Variants in STRBP observed in about 807,000 individuals in gnomAD.
STRBP encodes the protein spermatid perinuclear RNA-binding protein.
In STRBP, 13 loss-of-function variants were observed where a neutral mutation model predicts 80.1. The ratio of observed to expected loss-of-function variants is 0.16; its 90% CI spans 0.11 to 0.26. The LOEUF is 0.26. Ranked by LOEUF, STRBP falls within the 10% of genes least tolerant of loss-of-function variation. The probability of loss-of-function intolerance (pLI) is 1.00; values close to 1 mark genes in which losing one functional copy is unlikely to be tolerated. For missense variants in STRBP, 485 were observed against 815.2 expected (o/e 0.59, Z 4.93); for synonymous variants, 284 against 291.2 (o/e 0.98, Z 0.25).
At chr9:123,237,271 C>T (rs978459323) in intron 1 of STRBP, among the ~76,000 whole-genome samples, 27 of 152,284 alleles carry the variant, frequency 1.8e-4, no homozygotes, top group African/African-American at 6.3e-4. Flanking sequence ...CTACCAAAAT[C>T]CACCCTGTTT....
Position 123,151,081 on chromosome 9 carries a change from G to C in STRBP, c.1046-3211C>G, listed in dbSNP as rs1230102261. 1.8e-4 allele frequency among the ~76,000 whole-genome samples: 27 copies of C among 152,090 alleles called. No individual in the cohort carries two copies. In the East Asian group the frequency reaches 4.2e-3, roughly 24 times the overall value. ...AACCAGGCACATGAGAAGATATCAT[G>C]ATCAAAAATCAAGAGAAATCACACA... On this transcript the variant is annotated intron_variant, in intron 11 of 18. Transcript: ENST00000348403.
intron 11 of STRBP, among the ~76,000 whole-genome samples, chr9:123,151,467 C>T (rs2037054726): frequency 6.6e-6 from 1 of 152,104 alleles, no homozygotes; most frequent in Non-Finnish European, 1.5e-5. Flanking sequence ...TATCAAAGGA[C>T]AGAAATCATA....
At chr9:123,201,953 T>C (rs1037291051) in intron 2 of STRBP, among the ~76,000 whole-genome samples, 8 of 152,330 alleles carry the variant, frequency 5.3e-5, no homozygotes, top group South Asian at 2.1e-4. Context: ...AACTTTAGAA[T>C]TGTAATATCT....
At chr9:123,260,234 A>C (rs1430188619) in intron 1 of STRBP, among the ~76,000 whole-genome samples, 1 of 152,230 alleles carries the variant, frequency 6.6e-6, no homozygotes, top group Non-Finnish European at 1.5e-5. Flanking sequence ...ATAGAATTTC[A>C]CTAGAAGAGT....
intron 2 of STRBP, among the ~76,000 whole-genome samples, chr9:123,217,333 G>GA (rs534673014): frequency 9.3e-5 from 14 of 151,270 alleles, no homozygotes; most frequent in Non-Finnish European, 1.6e-4. Flanking sequence ...AGACCAGAAA[G>GA]AAAAAAAAGC....
intron 2 of STRBP, among the ~76,000 whole-genome samples, chr9:123,235,993 CT>C (rs1239152803): frequency 6.6e-6 from 1 of 152,184 alleles, no homozygotes; most frequent in Non-Finnish European, 1.5e-5. Context: ...AGCTTCCAAT[CT>C]CTAAATCAGA....
At chr9:123,210,502 C>T (rs2039670062) in intron 2 of STRBP, among the ~76,000 whole-genome samples, 1 of 150,964 alleles carries the variant, frequency 6.6e-6, no homozygotes, top group Non-Finnish European at 1.5e-5. Context: ...AGGTAAAACA[C>T]AAAACCAATA....
At chr9:123,178,917 A>G in intron 4 of STRBP, 90 bp downstream of exon 4, 3 of 1,288,248 alleles carry the variant, frequency 2.3e-6, no homozygotes, top group Non-Finnish European at 3.3e-6. Context: ...ACAAAATCCA[A>G]AAAACAGCAT....
intron 2 of STRBP, among the ~76,000 whole-genome samples, chr9:123,225,597 G>A (rs1299046187): frequency 6.6e-6 from 1 of 152,192 alleles, no homozygotes; most frequent in African/African-American, 2.4e-5. Flanking sequence ...ATTCTGGCAA[G>A]TGAAAGCAGC....
chr9:123,266,740 T>C (rs776607159), intron 1 of STRBP, among the ~76,000 whole-genome samples: 2 of 152,014 alleles, frequency 1.3e-5, no homozygotes, highest in Non-Finnish European at 2.9e-5. Context: ...ATCCATCACC[T>C]ATGCCTTTCT....
At chr9:123,157,933 A>C in intron 11 of STRBP, 79 bp downstream of exon 11, 1 of 1,035,638 alleles carries the variant, frequency 9.7e-7, no homozygotes, top group Non-Finnish European at 1.5e-6. Context: ...AAGTTCCCTA[A>C]GTTGTAATGA....
intron 4 of STRBP, among the ~76,000 whole-genome samples, chr9:123,178,552 C>G (rs566792562): frequency 1.3e-5 from 2 of 152,256 alleles, no homozygotes; most frequent in African/African-American, 2.4e-5. Flanking sequence ...TCCTGGGAAT[C>G]AGTGAGGTAG....
At chr9:123,158,921 T>C (rs567418374) in intron 9 of STRBP, among the ~76,000 whole-genome samples, 175 bp downstream of exon 9, 85 of 152,290 alleles carry the variant, frequency 5.6e-4, no homozygotes, top group Middle Eastern at 6.8e-3. Context: ...ATTATAATTA[T>C]TGAAAAAGAG....
chr9:123,238,968 G>A (rs561126558), intron 1 of STRBP, among the ~76,000 whole-genome samples: 11 of 152,216 alleles, frequency 7.2e-5, no homozygotes, highest in Admixed American at 1.3e-4. Flanking sequence ...CATTACAAAA[G>A]TTTCAGAATG....
At chr9:123,212,299 C>T (rs924819605) in intron 2 of STRBP, among the ~76,000 whole-genome samples, 2 of 152,116 alleles carry the variant, frequency 1.3e-5, no homozygotes, top group South Asian at 2.1e-4. Context: ...ACCTCTGACA[C>T]GGGTTCATGA....
At chr9:123,134,321 A>G (rs181566224) in intron 16 of STRBP, among the ~76,000 whole-genome samples, 1 of 152,322 alleles carries the variant, frequency 6.6e-6, no homozygotes, top group East Asian at 1.9e-4. Flanking sequence ...CAGAATACAT[A>G]CACATTGGTT....
intron 1 of STRBP, among the ~76,000 whole-genome samples, chr9:123,251,012 A>G (rs1181659271): frequency 6.6e-6 from 1 of 152,086 alleles, no homozygotes; most frequent in Non-Finnish European, 1.5e-5. Flanking sequence ...CTGTAATCCT[A>G]ACTACTTGTG....
intron 2 of STRBP, among the ~76,000 whole-genome samples, chr9:123,191,886 T>A (rs1381257175): frequency 6.6e-6 from 1 of 152,174 alleles, no homozygotes; most frequent in East Asian, 1.9e-4. Flanking sequence ...CTAAGTCATA[T>A]CTTTAAAAGA....
At chr9:123,209,790 AAAAT>A (rs2039646178) in intron 2 of STRBP, among the ~76,000 whole-genome samples, 1 of 152,246 alleles carries the variant, frequency 6.6e-6, no homozygotes, top group Non-Finnish European at 1.5e-5. Context: ...AATAATTTTC[AAAAT>A]AAATAATAAG....
Sources: allele counts gnomAD v4.1 joint callset (sites outside exome capture counted in the v4.1 genomes callset), GRCh38; gene constraint gnomAD v4.1.1; transcripts MANE v1.5; gene names NCBI Gene and HGNC (gene_info 2026-07-23, HGNC 2026-07-21).